Variants in ZNF385D observed in about 807,000 individuals in gnomAD.
ZNF385D encodes zinc finger protein 659.
A neutral mutation model predicts 35.8 loss-of-function variants in ZNF385D; 15 were observed. The ratio of observed to expected loss-of-function variants is 0.42; its 90% CI spans 0.28 to 0.64. ZNF385D has a LOEUF of 0.64. Among genes scored for constraint, ZNF385D ranks in the 30% least tolerant of loss-of-function variants. The probability of loss-of-function intolerance (pLI) is 0.23; values close to 1 mark genes in which losing one functional copy is unlikely to be tolerated. For missense variants in ZNF385D, 474 were observed against 494.6 expected, an observed-to-expected ratio of 0.96 and a Z score of 0.39; for synonymous variants, 212 against 186.8, an observed-to-expected ratio of 1.13 and a Z score of -1.10.
At chr3:21,885,931 A>G (rs1331667531) in intron 3 of ZNF385D, among the ~76,000 whole-genome samples, 1 of 152,132 alleles carries the variant, frequency 6.6e-6, no homozygotes, top group Non-Finnish European at 1.5e-5. Context: ...GTCTTCAGTT[A>G]ATTGGATAAG....
At chr3:22,040,355 T>C (rs1404184826) in intron 3 of ZNF385D, among the ~76,000 whole-genome samples, 3 of 152,170 alleles carry the variant, frequency 2.0e-5, no homozygotes, top group African/African-American at 7.2e-5. Flanking sequence ...TATTACGTCA[T>C]TTTATAGATA....
intron 2 of ZNF385D, among the ~76,000 whole-genome samples, chr3:22,341,464 A>G (rs1266081200): frequency 6.6e-6 from 1 of 152,202 alleles, no homozygotes; most frequent in Non-Finnish European, 1.5e-5. Flanking sequence ...TCACTGTCCA[A>G]CAACCTACAA....
At chr3:22,173,312 G>A (rs1472069232) in intron 2 of ZNF385D, among the ~76,000 whole-genome samples, 1 of 152,058 alleles carries the variant, frequency 6.6e-6, no homozygotes, top group African/African-American at 2.4e-5. Flanking sequence ...ATAAAACGTA[G>A]AGTATCATTA....
chr3:21,780,691 C>T (rs962969990), intron 3 of ZNF385D, among the ~76,000 whole-genome samples: 1 of 151,984 alleles, frequency 6.6e-6, no homozygotes, highest in African/African-American at 2.4e-5. Flanking sequence ...AGACTAATGA[C>T]ATTCTAATAG....
intron 2 of ZNF385D, among the ~76,000 whole-genome samples, chr3:22,359,069 AAAACC>A (rs1696289133): frequency 7.1e-6 from 1 of 140,004 alleles, no homozygotes; most frequent in Non-Finnish European, 1.6e-5. Context: ...AACAAACAAA[AAAACC>A]AAAAAAAAAA....
intron 1 of ZNF385D, among the ~76,000 whole-genome samples, chr3:21,689,385 G>A (rs1282612808): frequency 6.6e-6 from 1 of 152,062 alleles, no homozygotes; most frequent in Non-Finnish European, 1.5e-5. Context: ...GATGAACTGT[G>A]GCTCAAAACG....
intron 4 of ZNF385D, among the ~76,000 whole-genome samples, chr3:21,484,041 A>G (rs926905615): frequency 6.6e-6 from 1 of 152,146 alleles, no homozygotes; most frequent in African/African-American, 2.4e-5. Flanking sequence ...GTAACAAGGG[A>G]TTGCTTAATG....
chr3:22,348,191 T>TTGTTATGAGC (rs1695745932), intron 2 of ZNF385D, among the ~76,000 whole-genome samples: 1 of 152,150 alleles, frequency 6.6e-6, no homozygotes, highest in South Asian at 2.1e-4. Context: ...TACAAAGGCA[T>TTGTTATGAGC]TGTTATGAGC....
At chr3:22,016,992 G>A (rs1696929022) in intron 3 of ZNF385D, among the ~76,000 whole-genome samples, 2 of 151,396 alleles carry the variant, frequency 1.3e-5, no homozygotes, top group Admixed American at 1.3e-4. Flanking sequence ...AATTTAAAAT[G>A]GCTTAATTGG....
intron 3 of ZNF385D, among the ~76,000 whole-genome samples, chr3:22,040,743 C>G (rs2125503439): frequency 6.6e-6 from 1 of 152,150 alleles, no homozygotes; most frequent in Admixed American, 6.5e-5. Context: ...TTTGCTGATG[C>G]TGCAAAGCTA....
At chr3:21,652,189 G>T (rs189658167) in intron 2 of ZNF385D, among the ~76,000 whole-genome samples, 4 of 152,228 alleles carry the variant, frequency 2.6e-5, no homozygotes, top group Admixed American at 2.0e-4. Context: ...CACATTTTCT[G>T]ATTGACTTTT....
At position 21,596,836 on chromosome 3, in the gene ZNF385D, T is replaced by A. The variant is rs372917765; in HGVS notation, c.166-32152A>T. On this transcript the variant is annotated intron_variant, in intron 2 of 7. Coordinates refer to ENST00000281523, the MANE Select transcript of ZNF385D (RefSeq NM_024697.3). ...AGGATTTGGGTGACTGCCATACCTA[T>A]GTTTTCTCTTCTCTGCATAGGTAAG... Among the ~76,000 whole-genome samples the A allele has an allele frequency of 5.5e-4, 84 of 152,188 alleles. 1 individual carries two copies. The South Asian group carries it at 0.016, about 30-fold the overall frequency.
intron 4 of ZNF385D, among the ~76,000 whole-genome samples, chr3:21,487,669 C>T (rs1384700712): frequency 3.3e-5 from 5 of 152,046 alleles, no homozygotes; most frequent in Non-Finnish European, 7.4e-5. Context: ...ACAACCTTCC[C>T]TAACAGAAGC....
At chr3:22,324,089 A>G (rs193118670) in intron 2 of ZNF385D, among the ~76,000 whole-genome samples, 138 of 152,108 alleles carry the variant, frequency 9.1e-4, no homozygotes, top group African/African-American at 3.2e-3. Context: ...GTGCTAAAAA[A>G]TAATTATAAC....
At chr3:21,664,782 G>T in intron 2 of ZNF385D, 104 bp downstream of exon 2, 1 of 1,487,432 alleles carries the variant, frequency 6.7e-7, no homozygotes, top group Non-Finnish European at 9.3e-7. Flanking sequence ...ACCATGCAAT[G>T]AACAATATAG....
At chr3:21,563,185 G>A (rs1481772507) in intron 3 of ZNF385D, 1 of 152,090 alleles carries the variant, frequency 6.6e-6, no homozygotes, top group African/African-American at 2.4e-5. Flanking sequence ...TAGCTTCAAG[G>A]GAGCTCCTTT....
At chr3:22,204,272 A>G (rs1290129054) in intron 2 of ZNF385D, among the ~76,000 whole-genome samples, 1 of 152,128 alleles carries the variant, frequency 6.6e-6, no homozygotes, top group Non-Finnish European at 1.5e-5. Context: ...GTCTGTAAGA[A>G]TCACAGCTTT....
chr3:22,048,740 T>C (rs1699163705), intron 3 of ZNF385D, among the ~76,000 whole-genome samples: 1 of 152,190 alleles, frequency 6.6e-6, no homozygotes, highest in Non-Finnish European at 1.5e-5. Context: ...TCTTTTGTGA[T>C]TCCAAGTGAA....
chr3:22,319,510 G>A (rs1029193750), intron 2 of ZNF385D, among the ~76,000 whole-genome samples: 16 of 152,072 alleles, frequency 1.1e-4, no homozygotes, highest in African/African-American at 1.9e-4. Flanking sequence ...GCAAATGCCC[G>A]TATTGGACAC....
Sources: gnomAD v4.1 joint callset for allele counts (sites outside exome capture counted in the v4.1 genomes callset) on GRCh38, gnomAD v4.1.1 for gene constraint, MANE v1.5 for transcripts, NCBI Gene and HGNC (gene_info 2026-07-23, HGNC 2026-07-21) for gene names.